Variants in ROBO2 observed in about 807,000 individuals in gnomAD.
The protein encoded by ROBO2 is roundabout homolog 2.
ROBO2 carries 53 observed loss-of-function variants against 160.8 expected under a neutral mutation model. The ratio of observed to expected loss-of-function variants is 0.33; its 90% CI spans 0.26 to 0.41. The LOEUF (loss-of-function observed/expected upper bound fraction) is 0.41. Ranked by LOEUF, ROBO2 falls within the 10% of genes least tolerant of loss-of-function variation. The probability of loss-of-function intolerance (pLI) is 1.00; values close to 1 mark genes in which losing one functional copy is unlikely to be tolerated. For missense variants in ROBO2, 1,577 were observed against 1,722.4 expected (o/e 0.92, Z 1.49); for synonymous variants, 664 against 611.7 (o/e 1.09, Z -1.26).
chr3:77,479,502 A>G lies in ROBO2; in HGVS notation c.547-1597A>G, dbSNP rs569791931. Among the ~76,000 whole-genome samples the G allele has an allele frequency of 1.4e-4, 21 of 152,202 alleles. No homozygotes were observed. The South Asian group carries it at 3.1e-3, about 23-fold the overall frequency. ...ATTGATGTTAAGGAAGTTTCTAATG[A>G]CTTACAATTTCCTTTAGTTCAAAGT... On this transcript the variant is annotated intron_variant, in intron 3 of 25. Coordinates refer to ENST00000461745, the Ensembl canonical transcript of ROBO2.
At chr3:76,458,025 C>T (rs542733925) in intron 2 of ROBO2, among the ~76,000 whole-genome samples, 17 of 152,302 alleles carry the variant, frequency 1.1e-4, no homozygotes, top group African/African-American at 3.8e-4. Context: ...ATGTCTCTGA[C>T]ATGGCCTGGA....
At chr3:76,433,956 T>C in intron 2 of ROBO2, 1 of 743,010 alleles carries the variant, frequency 1.3e-6, no homozygotes, top group South Asian at 1.5e-5. Context: ...TCTACTCCAA[T>C]ACAATCTAGA....
intron 2 of ROBO2, among the ~76,000 whole-genome samples, chr3:77,119,028 G>A (rs2074480161): frequency 6.6e-6 from 1 of 152,120 alleles, no homozygotes; most frequent in Admixed American, 6.6e-5. Context: ...GAGGGTTCCT[G>A]TGTGCTGCTC....
At chr3:76,470,132 A>G (rs1463228511) in intron 2 of ROBO2, among the ~76,000 whole-genome samples, 1 of 152,134 alleles carries the variant, frequency 6.6e-6, no homozygotes, top group Non-Finnish European at 1.5e-5. Context: ...CATCAAATTT[A>G]TCCAAGTGTC....
intron 2 of ROBO2, among the ~76,000 whole-genome samples, chr3:76,828,126 A>C (rs2109266030): frequency 6.6e-6 from 1 of 152,252 alleles, no homozygotes; most frequent in South Asian, 2.1e-4. Flanking sequence ...CCCTGCCTGC[A>C]ATCTGGAGAG....
chr3:77,607,795 C>T lies in ROBO2; in HGVS notation c.3137-3C>T. The T allele has an allele frequency of 1.2e-6, 2 of 1,613,138 alleles. No homozygotes were observed. Among genetic ancestry groups the T allele is most frequent in the South Asian group, 2.2e-5 (2 of 91,056 alleles). ...CTCTGAATAAATACGTTATTACTTT[C>T]AGGTGGGAAAGGTGGAAAAAAGAAG... On this transcript the variant is annotated splice_polypyrimidine_tract_variant and splice_region_variant and intron_variant, in intron 20 of 25. Transcript: ENST00000461745.
At chr3:77,000,096 C>G (rs1189162067) in intron 2 of ROBO2, among the ~76,000 whole-genome samples, 1 of 151,880 alleles carries the variant, frequency 6.6e-6, no homozygotes, top group East Asian at 1.9e-4. Flanking sequence ...GATTAATGTC[C>G]AGAGAGAAAA....
At chr3:76,569,293 T>A (rs975361123) in intron 2 of ROBO2, among the ~76,000 whole-genome samples, 2 of 152,114 alleles carry the variant, frequency 1.3e-5, no homozygotes, top group South Asian at 4.1e-4. Context: ...ATAGAACATA[T>A]ACATGTGGGC....
At position 77,363,244 on chromosome 3, in the gene ROBO2, G is replaced by A. The variant is rs115527874; in HGVS notation, c.389-114170G>A. On this transcript the variant is annotated intron_variant, in intron 2 of 25. Transcript: ENST00000461745. The stretch of plus-strand genomic sequence containing the variant: ...GGAAAGATCTACCAAGGTTTTAAAA[G>A]ACTAGTAAGATTTGCATTTGAAAAG... Among the ~76,000 whole-genome samples the A allele has an allele frequency of 4.5e-3, 681 of 152,258 alleles. 3 individuals are homozygous for A. The highest frequency in any genetic ancestry group is 6.5e-3 in the Non-Finnish European group (443 of 68,006).
intron 2 of ROBO2, among the ~76,000 whole-genome samples, chr3:75,986,462 A>G (rs1199188132): frequency 1.3e-5 from 2 of 150,848 alleles, no homozygotes. Context: ...CTTGTCAAAC[A>G]TCATTTGCAA....
At chr3:77,168,450 G>C (rs2079307863) in intron 2 of ROBO2, among the ~76,000 whole-genome samples, 1 of 152,050 alleles carries the variant, frequency 6.6e-6, no homozygotes, top group South Asian at 2.1e-4. Context: ...AGGAAGAATA[G>C]GAAATAAGAA....
At chr3:76,943,650 T>C (rs1325417240) in intron 2 of ROBO2, among the ~76,000 whole-genome samples, 1 of 152,234 alleles carries the variant, frequency 6.6e-6, no homozygotes, top group Non-Finnish European at 1.5e-5. Flanking sequence ...CATAGTTAAG[T>C]ATAGTCCTAT....
intron 2 of ROBO2, among the ~76,000 whole-genome samples, chr3:76,095,325 T>G (rs959170986): frequency 6.6e-5 from 10 of 151,616 alleles, no homozygotes; most frequent in African/African-American, 1.9e-4. Flanking sequence ...AGAGAAAAAA[T>G]TAATGAAGTC....
chr3:76,288,376 C>T (rs1187586264), intron 2 of ROBO2, among the ~76,000 whole-genome samples: 1 of 152,030 alleles, frequency 6.6e-6, no homozygotes, highest in Non-Finnish European at 1.5e-5. Flanking sequence ...GTTCAAACCT[C>T]AGATAATGAG....
intron 2 of ROBO2, among the ~76,000 whole-genome samples, chr3:76,302,213 G>A (rs1272811302): frequency 6.6e-6 from 1 of 152,046 alleles, no homozygotes; most frequent in East Asian, 1.9e-4. Flanking sequence ...AGTCATAGAA[G>A]ATGGTTAAAG....
In ROBO2 at chr3:76,693,014, A is replaced by G. The variant is rs537796829; in HGVS notation, c.110-405000A>G. The stretch of plus-strand genomic sequence containing the variant: ...TGTATGTATATATGTATGTATATAC[A>G]CATATGTGTATATACATACATAAGT... On this transcript the variant is annotated intron_variant, in intron 2 of 26. Coordinates refer to the ROBO2 transcript ENST00000487694. Among the ~76,000 whole-genome samples, 351 of 148,630 alleles carry G rather than the reference A, an allele frequency of 2.4e-3. 1 individual carries two copies. The highest frequency in any genetic ancestry group is 8.1e-3 in the African/African-American group (324 of 39,946).
chr3:76,106,211 T>A (rs1472831880), intron 2 of ROBO2, among the ~76,000 whole-genome samples: 1 of 152,078 alleles, frequency 6.6e-6, no homozygotes, highest in Non-Finnish European at 1.5e-5. Flanking sequence ...GTGGCTTATT[T>A]TTGTCTGGCT....
chr3:77,101,712 A>G (rs1290496488), intron 2 of ROBO2, among the ~76,000 whole-genome samples: 1 of 152,156 alleles, frequency 6.6e-6, no homozygotes, highest in Non-Finnish European at 1.5e-5. Context: ...TGGGCAGTGA[A>G]GTGGCAAGAA....
chr3:76,162,809 C>T (rs1052599121), intron 2 of ROBO2, among the ~76,000 whole-genome samples: 11 of 152,060 alleles, frequency 7.2e-5, no homozygotes, highest in Non-Finnish European at 1.6e-4. Context: ...TCTTATTAGA[C>T]ATCCCTATAC....
Sources: gnomAD v4.1 joint callset for allele counts (sites outside exome capture counted in the v4.1 genomes callset) on GRCh38, gnomAD v4.1.1 for gene constraint, MANE v1.5 for transcripts, NCBI Gene and HGNC (gene_info 2026-07-23, HGNC 2026-07-21) for gene names.